EBF2: variants seen among roughly 807,000 people sequenced by gnomAD.
EBF2 encodes the protein transcription factor COE2.
In EBF2, 21 loss-of-function variants were observed where a neutral mutation model predicts 72.8. The observed-to-expected ratio is 0.29, with a 90% CI of 0.20 to 0.42. The LOEUF is 0.42. EBF2 is among the 10% of genes least tolerant of loss of function. The pLI is 1.00. For missense variants in EBF2, 637 were observed against 731.2 expected, an observed-to-expected ratio of 0.87 and a Z score of 1.49; for synonymous variants, 299 against 274.2, an observed-to-expected ratio of 1.09 and a Z score of -0.89.
intron 6 of EBF2, among the ~76,000 whole-genome samples, chr8:25,992,372 A>G (rs1204461398): frequency 6.8e-6 from 1 of 146,362 alleles, no homozygotes; most frequent in African/African-American, 2.5e-5. Flanking sequence ...AAGGCAGTGT[A>G]TAGGCCAAGA....
chr8:25,849,913 T>C (rs746263608), intron 15 of EBF2, among the ~76,000 whole-genome samples: 33 of 152,158 alleles, frequency 2.2e-4, no homozygotes, highest in Non-Finnish European at 4.4e-4. Context: ...GAGGACATGA[T>C]GGCAAGCGGA....
chr8:25,954,991 G>A (rs1156508922), intron 6 of EBF2, among the ~76,000 whole-genome samples: 1 of 152,234 alleles, frequency 6.6e-6, no homozygotes, highest in African/African-American at 2.4e-5. Flanking sequence ...CAGCGCGCCA[G>A]GTTGTGCAGC....
chr8:25,920,323 A>C (rs969032989), intron 6 of EBF2, among the ~76,000 whole-genome samples: 8 of 152,348 alleles, frequency 5.3e-5, no homozygotes, highest in African/African-American at 1.9e-4. Flanking sequence ...AAAGCAAGAA[A>C]GTGCTTAATG....
In EBF2 at chr8:25,850,617, C is replaced by T. The variant is rs1801946021; in HGVS notation, c.1673G>A (p.Ser558Asn). The change falls in exon 15 of 16, where the codon AGC becomes AAC. Residue 558 changes from serine (S) to asparagine (N), a missense_variant. Physicochemically the swap from Ser to Asn is conservative, Grantham distance 46. Around this residue, in one of 3 missense-constraint regions of EBF2, gnomAD observed 259 missense variants for 268.1 expected, o/e 0.97. Coordinates refer to ENST00000520164, the MANE Select transcript of EBF2 (RefSeq NM_022659.4). ...PQGSPSPACS[S>N]GNGNGFRAMT... Reference sequence around the variant, plus strand: ...ACCTCTGAATCCATTTCCATTGCCGCTGGAGCAGGCAGGTGAAGGGGAGCC... The same window carrying T: ...ACCTCTGAATCCATTTCCATTGCCGTTGGAGCAGGCAGGTGAAGGGGAGCC... 1 of 1,562,556 alleles carries T rather than the reference C, an allele frequency of 6.4e-7. No individual in the cohort carries two copies. Among genetic ancestry groups the T allele is most frequent in the Non-Finnish European group, 8.6e-7 (1 of 1,162,428 alleles).
chr8:26,022,031 C>T (rs771449412), intron 6 of EBF2, among the ~76,000 whole-genome samples: 1 of 152,212 alleles, frequency 6.6e-6, no homozygotes, highest in African/African-American at 2.4e-5. Flanking sequence ...CATCAGTTTG[C>T]CCCAAGCCAT....
intron 6 of EBF2, among the ~76,000 whole-genome samples, chr8:26,024,513 A>C (rs540364071): frequency 8.0e-4 from 122 of 152,252 alleles, no homozygotes; most frequent in South Asian, 1.9e-3. Context: ...TCTGCTTTAC[A>C]ACCCTAGATA....
At chr8:25,897,822 T>C (rs1585186616) in intron 7 of EBF2, among the ~76,000 whole-genome samples, 1 of 152,248 alleles carries the variant, frequency 6.6e-6, no homozygotes, top group South Asian at 2.1e-4. Context: ...GCAATGAACA[T>C]ACAAATGTGC....
At chr8:25,865,210 C>A (rs1585265926) in intron 10 of EBF2, among the ~76,000 whole-genome samples, 1 of 152,286 alleles carries the variant, frequency 6.6e-6, no homozygotes, top group East Asian at 1.9e-4. Context: ...GATGGCTTTG[C>A]AATAGCAACA....
At chr8:25,865,983 C>G (rs1802305669) in intron 10 of EBF2, among the ~76,000 whole-genome samples, 1 of 151,704 alleles carries the variant, frequency 6.6e-6, no homozygotes. Flanking sequence ...CAAGATCACG[C>G]CGCTGCACCC....
chr8:25,855,944 C>A (rs1040500185), intron 14 of EBF2, among the ~76,000 whole-genome samples: 1 of 152,140 alleles, frequency 6.6e-6, no homozygotes, highest in Non-Finnish European at 1.5e-5. Context: ...TTTTCCTATT[C>A]TGTGTCTACC....
At chr8:25,864,263 A>AT (rs575544340) in intron 10 of EBF2, among the ~76,000 whole-genome samples, 1 of 151,852 alleles carries the variant, frequency 6.6e-6, no homozygotes, top group African/African-American at 2.4e-5. Context: ...TTTAACTTAC[A>AT]TTTTTTTACT....
chr8:25,979,953 C>G (rs2117198007), intron 6 of EBF2, among the ~76,000 whole-genome samples: 1 of 152,160 alleles, frequency 6.6e-6, no homozygotes, highest in East Asian at 1.9e-4. Context: ...GTTAAATCAT[C>G]TCATAGTTTG....
Position 25,861,032 on chromosome 8 carries a change from T to A in EBF2, c.1342+17A>T. On this transcript the variant is annotated intron_variant, in intron 13 of 15. Transcript: ENST00000520164. ...AAATTAGACATATTTGGATTTTGACTCTAAGAAAGGTGGTACCTTGATTAT... is the reference window on the plus strand; with the variant it reads ...AAATTAGACATATTTGGATTTTGACACTAAGAAAGGTGGTACCTTGATTAT... 6.2e-7 allele frequency: 1 copy of A among 1,614,152 alleles called. No homozygotes were observed. The highest frequency in any genetic ancestry group is 8.5e-7 in the Non-Finnish European group (1 of 1,180,014).
chr8:26,040,515 C>T, intron 4 of EBF2, 101 bp downstream of exon 4: 1 of 1,153,582 alleles, frequency 8.7e-7, no homozygotes, highest in Non-Finnish European at 1.2e-6. Context: ...TGGAGTCTGA[C>T]CCAGGAAATC....
At chr8:25,881,558 G>T (rs2117284192) in intron 10 of EBF2, among the ~76,000 whole-genome samples, 1 of 152,324 alleles carries the variant, frequency 6.6e-6, no homozygotes, top group South Asian at 2.1e-4. Flanking sequence ...GGGAAGGGAA[G>T]GGCGTGGTAC....
chr8:25,857,246 C>G (rs924367055), intron 14 of EBF2, among the ~76,000 whole-genome samples: 1 of 152,086 alleles, frequency 6.6e-6, no homozygotes, highest in Non-Finnish European at 1.5e-5. Context: ...GGTGCTATAT[C>G]TTTATCTCAC....
At chr8:26,038,006 G>A (rs1281876099) in intron 5 of EBF2, among the ~76,000 whole-genome samples, 26 of 152,180 alleles carry the variant, frequency 1.7e-4, no homozygotes. Flanking sequence ...GAGAAACAGG[G>A]CACCTGATTC....
At chr8:25,963,424 A>T (rs924211376) in intron 6 of EBF2, among the ~76,000 whole-genome samples, 3 of 152,228 alleles carry the variant, frequency 2.0e-5, no homozygotes, top group Admixed American at 6.5e-5. Flanking sequence ...GAGTGCCAGC[A>T]GGTGCACAAT....
At chr8:26,034,550 A>ATT (rs1805465403) in intron 5 of EBF2, among the ~76,000 whole-genome samples, 1 of 152,184 alleles carries the variant, frequency 6.6e-6, no homozygotes, top group African/African-American at 2.4e-5. Flanking sequence ...ACCTAGACAA[A>ATT]TGTGAGAAGG....
Sources: gnomAD v4.1 joint callset for allele counts (sites outside exome capture counted in the v4.1 genomes callset) on GRCh38, gnomAD v4.1.1 for gene constraint, gnomAD v4.1.1 regional missense constraint, MANE v1.5 for transcripts, NCBI Gene and HGNC (gene_info 2026-07-23, HGNC 2026-07-21) for gene names.